Variants in GPR139 observed in about 807,000 individuals in gnomAD.
GPR139 encodes G protein-coupled receptor 139.
In GPR139, 12 loss-of-function variants were observed where a neutral mutation model predicts 25.8. That is an observed-to-expected ratio of 0.47 (90% CI 0.30 to 0.75). The LOEUF (loss-of-function observed/expected upper bound fraction) is 0.75. GPR139 is among the 30% of genes least tolerant of loss of function. The probability of loss-of-function intolerance (pLI) is 0.07; values close to 1 mark genes in which losing one functional copy is unlikely to be tolerated. For missense variants in GPR139, 380 were observed against 450.2 expected (o/e 0.84, Z 1.41); for synonymous variants, 184 against 179.9 (o/e 1.02, Z -0.18).
At chr16:20,071,644 T>A (rs1283647457) in intron 1 of GPR139, among the ~76,000 whole-genome samples, 1 of 152,204 alleles carries the variant, frequency 6.6e-6, no homozygotes, top group Non-Finnish European at 1.5e-5. Context: ...GTGCCTGGCA[T>A]ACAGTAGATG....
chr16:20,057,292 G>A (rs1034513763), intron 1 of GPR139, among the ~76,000 whole-genome samples: 1 of 152,178 alleles, frequency 6.6e-6, no homozygotes, highest in Admixed American at 6.5e-5. Flanking sequence ...CATGATGGAA[G>A]TATCAATCTC....
chr16:20,061,416 G>A (rs1262660776), intron 1 of GPR139, among the ~76,000 whole-genome samples: 1 of 144,126 alleles, frequency 6.9e-6, no homozygotes, highest in Non-Finnish European at 1.5e-5. Context: ...AATGGATGGG[G>A]GGATGGATGG....
At chr16:20,055,395 G>A (rs2057385443) in intron 1 of GPR139, among the ~76,000 whole-genome samples, 6 of 152,198 alleles carry the variant, frequency 3.9e-5, no homozygotes, top group Admixed American at 3.3e-4. Flanking sequence ...ACTCTGGGCT[G>A]TGCACTCTGT....
rs147909780 is a variant in GPR139 at position 20,059,513 on chromosome 16, T to G, written c.127+13977A>C. 2.6e-3 allele frequency among the ~76,000 whole-genome samples: 397 copies of G among 152,262 alleles called. 3 individuals are homozygous for G. The highest frequency in any genetic ancestry group is 0.02 in the Middle Eastern group (6 of 294). On this transcript the variant is annotated intron_variant, in intron 1 of 1. Coordinates refer to ENST00000570682, the MANE Select transcript of GPR139 (RefSeq NM_001002911.4). ...TAGGTCTCTGCTCAAACATCACCAC[T>G]TTGGAACACCCTTTCTTGACCACCC... is the stretch of plus-strand genomic sequence containing the variant.
At chr16:20,054,337 A>C (rs777622785) in intron 1 of GPR139, among the ~76,000 whole-genome samples, 15 of 152,212 alleles carry the variant, frequency 9.9e-5, no homozygotes, top group Non-Finnish European at 1.8e-4. Context: ...CCAAACCTGC[A>C]GGTTAGCCAA....
Position 20,029,375 on chromosome 16 carries a change from A to G in GPR139, c.*2360T>C, listed in dbSNP as rs1430452597. Among the ~76,000 whole-genome samples, 3 of 152,102 alleles carry G rather than the reference A, an allele frequency of 2.0e-5. No individual in the cohort carries two copies. The highest frequency in any genetic ancestry group is 4.4e-5 in the Non-Finnish European group (3 of 68,022). ...CATACATATTTTCCATCTTATATAC[A>G]TTCTCAAAAAGGAATTGCTTAACCT... On this transcript the variant is annotated 3_prime_UTR_variant, in exon 2 of 2. Transcript: ENST00000570682.
chr16:20,048,186 G>T (rs997904856), intron 1 of GPR139, among the ~76,000 whole-genome samples: 1 of 152,162 alleles, frequency 6.6e-6, no homozygotes, highest in Non-Finnish European at 1.5e-5. Flanking sequence ...TGTACTTAGG[G>T]TTTACTGCAG....
At chr16:20,063,178 G>A (rs569128944) in intron 1 of GPR139, among the ~76,000 whole-genome samples, 33 of 152,310 alleles carry the variant, frequency 2.2e-4, no homozygotes, top group African/African-American at 6.5e-4. Flanking sequence ...TGGACGGCAC[G>A]TGTATATAAC....
At chr16:20,063,844 C>T (rs562825079) in intron 1 of GPR139, among the ~76,000 whole-genome samples, 2 of 152,228 alleles carry the variant, frequency 1.3e-5, no homozygotes, top group South Asian at 2.1e-4. Context: ...TGTATTAGTA[C>T]GTTCTCACAC....
chr16:20,064,250 T>A (rs527440857), intron 1 of GPR139, among the ~76,000 whole-genome samples: 3 of 152,136 alleles, frequency 2.0e-5, no homozygotes, highest in Non-Finnish European at 4.4e-5. Context: ...TTTGGACTCA[T>A]AGAAAACACA....
intron 1 of GPR139, among the ~76,000 whole-genome samples, chr16:20,047,494 A>C (rs1886715): frequency 0.27 from 40,976 of 152,088 alleles, 6,063 homozygotes; most frequent in African/African-American, 0.39. Flanking sequence ...TTGACTTTGC[A>C]TCCTCTAGCT....
At chr16:20,064,050 T>C (rs1214538125) in intron 1 of GPR139, among the ~76,000 whole-genome samples, 2 of 152,140 alleles carry the variant, frequency 1.3e-5, no homozygotes, top group African/African-American at 4.8e-5. Context: ...TATAAAATCA[T>C]TGGATCTCAT....
At chr16:20,060,942 T>C (rs2057410721) in intron 1 of GPR139, among the ~76,000 whole-genome samples, 1 of 152,200 alleles carries the variant, frequency 6.6e-6, no homozygotes, top group African/African-American at 2.4e-5. Flanking sequence ...TTGAGTTCTC[T>C]TGTCTGGGTC....
intron 1 of GPR139, among the ~76,000 whole-genome samples, chr16:20,033,380 C>T (rs928696794): frequency 1.3e-5 from 2 of 152,218 alleles, no homozygotes; most frequent in African/African-American, 4.8e-5. Context: ...GAAACTGGGG[C>T]TCTGAGAGCT....
At position 20,029,067 on chromosome 16, in the gene GPR139, A is replaced by T. The variant is rs1303777064; in HGVS notation, c.*2668T>A. Among the ~76,000 whole-genome samples, 4 of 152,200 alleles carry T rather than the reference A, an allele frequency of 2.6e-5. No individual in the cohort carries two copies. Among genetic ancestry groups the T allele is most frequent in the Non-Finnish European group, 4.4e-5 (3 of 68,030 alleles). ...TTTGAAATAAATTTTAAGAGATATG[A>T]ATCAACCTAACCCAATGGGCATTCA... is the stretch of plus-strand genomic sequence containing the variant. On this transcript the variant is annotated 3_prime_UTR_variant, in exon 2 of 2. Coordinates refer to ENST00000570682, the MANE Select transcript of GPR139 (RefSeq NM_001002911.4).
In GPR139 at chr16:20,030,089, TAA is replaced by T. The variant is rs752314818; in HGVS notation, c.*1644_*1645del. Reference sequence around the variant, plus strand: ...TAGGATCATCAGGACTAATATGACCTAAGTTTGTATTGAGTTAGTATTGAGAG... The same window carrying T: ...TAGGATCATCAGGACTAATATGACCTGTTTGTATTGAGTTAGTATTGAGAG... On this transcript the variant is annotated 3_prime_UTR_variant, in exon 2 of 2. Coordinates refer to ENST00000570682, the MANE Select transcript of GPR139 (RefSeq NM_001002911.4). Among the ~76,000 whole-genome samples the T allele has an allele frequency of 5.5e-4, 83 of 152,226 alleles. No individual in the cohort carries two copies. Among genetic ancestry groups the T allele is most frequent in the Non-Finnish European group, 9.0e-4 (61 of 68,046 alleles).
chr16:20,036,285 C>T lies in GPR139; in HGVS notation c.128-3616G>A, dbSNP rs188185105. 2.0e-3 allele frequency among the ~76,000 whole-genome samples: 297 copies of T among 152,298 alleles called. 2 individuals carry two copies. The highest frequency in any genetic ancestry group is 3.9e-4 in the East Asian group (2 of 5,190). On this transcript the variant is annotated intron_variant, in intron 1 of 1. Transcript: ENST00000570682. Reference sequence around the variant, plus strand: ...CTATTGAATCAAGGGTATAGGAGCTCAGTTGCTAAGAGTGCAGGATCTGGG... The same window carrying T: ...CTATTGAATCAAGGGTATAGGAGCTTAGTTGCTAAGAGTGCAGGATCTGGG...
intron 1 of GPR139, among the ~76,000 whole-genome samples, chr16:20,056,570 C>T (rs1397910469): frequency 6.6e-6 from 1 of 152,204 alleles, no homozygotes; most frequent in Non-Finnish European, 1.5e-5. Context: ...TCTCTTAACT[C>T]TTCTGAGCTT....
chr16:20,039,126 T>C (rs1048204926), intron 1 of GPR139, among the ~76,000 whole-genome samples: 1 of 152,174 alleles, frequency 6.6e-6, no homozygotes, highest in African/African-American at 2.4e-5. Context: ...AAAAAGCCCA[T>C]GTTTTGTGAC....
Sources: allele counts gnomAD v4.1 joint callset (sites outside exome capture counted in the v4.1 genomes callset), GRCh38; gene constraint gnomAD v4.1.1; transcripts MANE v1.5; gene names NCBI Gene and HGNC (gene_info 2026-07-23, HGNC 2026-07-21).